ADAMTSL1: variants seen among roughly 807,000 people sequenced by gnomAD.
The protein encoded by ADAMTSL1 is ADAMTS like 1, also known as ADAMTS-like protein 1.
Under a neutral mutation model 201.8 loss-of-function variants are expected in ADAMTSL1, and 126 were observed. The ratio of observed to expected loss-of-function variants is 0.62; its 90% CI spans 0.54 to 0.72. The LOEUF (loss-of-function observed/expected upper bound fraction) is 0.72, where lower values mean the gene tolerates loss of function less well. ADAMTSL1 is among the 30% of genes least tolerant of loss of function. The probability of loss-of-function intolerance (pLI) is 0.00; values close to 1 mark genes in which losing one functional copy is unlikely to be tolerated. For missense variants in ADAMTSL1, 2,679 were observed against 2,277.8 expected, an observed-to-expected ratio of 1.18 and a Z score of -3.59; for synonymous variants, 1,121 against 903.4, an observed-to-expected ratio of 1.24 and a Z score of -4.32.
chr9:18,456,306 C>A (rs1376398040), intron 2 of ADAMTSL1, among the ~76,000 whole-genome samples: 2 of 152,190 alleles, frequency 1.3e-5, no homozygotes, highest in Non-Finnish European at 2.9e-5. Context: ...CCTTGAATAA[C>A]CAATCAGTTG....
intron 2 of ADAMTSL1, among the ~76,000 whole-genome samples, chr9:18,382,468 G>A (rs1173729782): frequency 6.6e-6 from 1 of 152,002 alleles, no homozygotes; most frequent in African/African-American, 2.4e-5. Context: ...TTTCAACTGT[G>A]GTAAGATTAC....
rs780928061 is a variant in ADAMTSL1, at chr9:18,777,308, C to T, written c.3079C>T (p.Arg1027Trp). The change falls in exon 19 of 29, where the codon CGG becomes TGG. Residue 1027 changes from arginine (R) to tryptophan (W), a missense_variant. Arg to Trp is a moderately radical substitution (Grantham distance 101, BLOSUM62 -3). Coordinates refer to ENST00000380548, the MANE Select transcript of ADAMTSL1 (RefSeq NM_001040272.6). ...GAGCCGCTACGACGACCTCGTCTCC[C>T]GGCTGCTGGAGCAGGGCGGCTGGCC... is the stretch of plus-strand genomic sequence containing the variant. Reference protein sequence around the residue: ...PGSRYDDLVSRLLEQGGWPGE... With the variant: ...PGSRYDDLVSWLLEQGGWPGE... 3.1e-6 allele frequency: 5 copies of T among 1,603,200 alleles called. No individual in the cohort carries two copies. Among genetic ancestry groups the T allele is most frequent in the Middle Eastern group, 1.7e-4 (1 of 6,058 alleles).
At chr9:18,577,819 T>TA (rs999476657) in intron 4 of ADAMTSL1, among the ~76,000 whole-genome samples, 24 of 151,680 alleles carry the variant, frequency 1.6e-4, no homozygotes, top group East Asian at 3.9e-4. Context: ...GTAATGACTT[T>TA]AAAAAAAACA....
intron 2 of ADAMTSL1, among the ~76,000 whole-genome samples, chr9:18,216,591 G>A (rs796690525): frequency 2.6e-5 from 4 of 151,238 alleles, no homozygotes; most frequent in Non-Finnish European, 4.4e-5. Flanking sequence ...GCCAGCATAA[G>A]CCAGCCCTTA....
chr9:18,440,207 A>G (rs1819936115), intron 2 of ADAMTSL1, among the ~76,000 whole-genome samples: 1 of 152,154 alleles, frequency 6.6e-6, no homozygotes, highest in Non-Finnish European at 1.5e-5. Flanking sequence ...GCATTTCTGG[A>G]AAACACCTTG....
chr9:18,299,732 A>G (rs775761443), intron 2 of ADAMTSL1, among the ~76,000 whole-genome samples: 9 of 152,228 alleles, frequency 5.9e-5, no homozygotes, highest in Non-Finnish European at 1.2e-4. Context: ...GGTTACTGGA[A>G]GCCGCCAAAA....
At chr9:18,807,167 C>G (rs940465858) in intron 20 of ADAMTSL1, among the ~76,000 whole-genome samples, 17 of 152,090 alleles carry the variant, frequency 1.1e-4, no homozygotes, top group African/African-American at 3.1e-4. Context: ...CTTATTTTTT[C>G]TTCAATTTAT....
chr9:18,567,540 A>T (rs1430417958), intron 3 of ADAMTSL1, among the ~76,000 whole-genome samples: 1 of 152,148 alleles, frequency 6.6e-6, no homozygotes, highest in Non-Finnish European at 1.5e-5. Flanking sequence ...AACAGATTTC[A>T]TGGGGATAGC....
At chr9:18,481,282 C>T (rs1221596764) in intron 1 of ADAMTSL1, among the ~76,000 whole-genome samples, 2 of 152,164 alleles carry the variant, frequency 1.3e-5, no homozygotes, top group Admixed American at 6.5e-5. Flanking sequence ...CAGTGGCTCA[C>T]ATCTGTAATC....
At chr9:18,719,446 C>A (rs1833188112) in intron 14 of ADAMTSL1, among the ~76,000 whole-genome samples, 1 of 152,104 alleles carries the variant, frequency 6.6e-6, no homozygotes, top group Non-Finnish European at 1.5e-5. Context: ...CTCCCTGCAA[C>A]CTTCACCTCC....
intron 1 of ADAMTSL1, 49 bp downstream of exon 1, chr9:18,474,344 T>C (rs1490227501): frequency 1.9e-6 from 3 of 1,592,120 alleles, no homozygotes; most frequent in Non-Finnish European, 2.6e-6. Context: ...TGAGTCTGGG[T>C]GCTGTTGGGG....
chr9:18,298,751 C>T (rs1465828120), intron 2 of ADAMTSL1, among the ~76,000 whole-genome samples: 1 of 151,776 alleles, frequency 6.6e-6, no homozygotes, highest in Non-Finnish European at 1.5e-5. Flanking sequence ...AGGCCGGGCT[C>T]GGTGGCTCAC....
intron 2 of ADAMTSL1, among the ~76,000 whole-genome samples, chr9:18,507,062 G>A (rs1311637532): frequency 3.3e-5 from 5 of 152,186 alleles, no homozygotes; most frequent in Non-Finnish European, 7.3e-5. Context: ...GATAGAAAAT[G>A]TAATATATAT....
chr9:18,664,497 T>C (rs970440544), intron 9 of ADAMTSL1, among the ~76,000 whole-genome samples: 5 of 152,122 alleles, frequency 3.3e-5, no homozygotes, highest in Non-Finnish European at 7.4e-5. Context: ...ACCAACGTTC[T>C]TGGTATAAAG....
intron 19 of ADAMTSL1, among the ~76,000 whole-genome samples, chr9:18,791,269 C>G (rs572030213): frequency 7.4e-4 from 112 of 152,316 alleles, no homozygotes; most frequent in Non-Finnish European, 1.1e-3. Flanking sequence ...TCCAGAACTA[C>G]TGCTCCGCCT....
chr9:18,105,628 C>G (rs1265625173), intron 1 of ADAMTSL1, among the ~76,000 whole-genome samples: 3 of 152,084 alleles, frequency 2.0e-5, no homozygotes, highest in Non-Finnish European at 4.4e-5. Flanking sequence ...AGTAAACTAG[C>G]CCCACAAAGA....
chr9:18,322,415 C>G (rs569988515), intron 2 of ADAMTSL1, among the ~76,000 whole-genome samples: 1 of 152,200 alleles, frequency 6.6e-6, no homozygotes, highest in South Asian at 2.1e-4. Context: ...GGTGGCTCAT[C>G]TGAGGTCAGG....
chr9:18,578,984 G>T (rs1822914378), intron 4 of ADAMTSL1, among the ~76,000 whole-genome samples: 1 of 151,608 alleles, frequency 6.6e-6, no homozygotes, highest in Admixed American at 6.6e-5. Context: ...GGCCAGTGAT[G>T]ATGAGCATTT....
chr9:18,559,400 G>A (rs1377352820), intron 3 of ADAMTSL1, among the ~76,000 whole-genome samples: 2 of 152,090 alleles, frequency 1.3e-5, no homozygotes, highest in South Asian at 4.1e-4. Flanking sequence ...TGCTGTTTTG[G>A]TTACTGTAGC....
Sources: allele counts gnomAD v4.1 joint callset (sites outside exome capture counted in the v4.1 genomes callset), GRCh38; gene constraint gnomAD v4.1.1; transcripts MANE v1.5; gene names NCBI Gene and HGNC (gene_info 2026-07-23, HGNC 2026-07-21).